TNFRSF1B: variants seen among roughly 807,000 people sequenced by gnomAD.
TNFRSF1B encodes the protein TNF receptor superfamily member 1B.
In TNFRSF1B, 19 loss-of-function variants were observed where a neutral mutation model predicts 44.6. That is an observed-to-expected ratio of 0.43 (90% CI 0.30 to 0.62). TNFRSF1B has a LOEUF of 0.62. TNFRSF1B is among the 20% of genes least tolerant of loss of function. The probability of loss-of-function intolerance (pLI) is 0.16; values close to 1 mark genes in which losing one functional copy is unlikely to be tolerated. For missense variants in TNFRSF1B, 541 were observed against 619.9 expected, an observed-to-expected ratio of 0.87 and a Z score of 1.35; for synonymous variants, 252 against 261.1, an observed-to-expected ratio of 0.97 and a Z score of 0.34.
In TNFRSF1B at chr1:12,171,156, C is replaced by G. The variant is rs562933810; in HGVS notation, c.78+3987C>G. On this transcript the variant is annotated intron_variant, in intron 1 of 9. Transcript: ENST00000376259. This position sits in a 1 kb window ranked among gnomAD's most constrained non-coding sequence, Gnocchi z 4.5. The stretch of plus-strand genomic sequence containing the variant: ...TAGCTGGGATTACAGGTGTGTGCCA[C>G]CATGCCCGGCTAATTTTTCCTTTTT... Among the ~76,000 whole-genome samples the G allele has an allele frequency of 1.4e-3, 206 of 151,986 alleles. 1 individual carries two copies. The highest frequency in any genetic ancestry group is 6.8e-3 in the Middle Eastern group (2 of 294).
intron 1 of TNFRSF1B, among the ~76,000 whole-genome samples, chr1:12,172,638 A>T (rs1638547274): frequency 1.3e-5 from 2 of 152,210 alleles, no homozygotes; most frequent in South Asian, 4.1e-4. Flanking sequence ...GTTGCCCATC[A>T]TCTCAGAAAG....
At chr1:12,185,397 T>G (rs919443389) in intron 1 of TNFRSF1B, among the ~76,000 whole-genome samples, 2 of 152,172 alleles carry the variant, frequency 1.3e-5, no homozygotes, top group Non-Finnish European at 2.9e-5. Flanking sequence ...GTTGGCTTCA[T>G]GACAGGCACC....
rs1000673992 is a variant in TNFRSF1B at position 12,199,514 on chromosome 1, C to T, written c.901-2453C>T. Among the ~76,000 whole-genome samples the T allele has an allele frequency of 1.1e-4, 16 of 152,354 alleles. No individual in the cohort carries two copies. Among genetic ancestry groups the T allele is most frequent in the Admixed American group, 9.1e-4 (14 of 15,308 alleles). ...TCTTGGGGATGGCTTGCACGAGATC[C>T]CTCCAGTCCTGAGTGAGAGGCTGTG... is the stretch of plus-strand genomic sequence containing the variant. On this transcript the variant is annotated intron_variant, in intron 8 of 9. Coordinates refer to ENST00000376259, the MANE Select transcript of TNFRSF1B (RefSeq NM_001066.3). The surrounding 1 kb of genome is among the most constrained non-coding windows in gnomAD (Gnocchi z 4.0).
At chr1:12,184,243 C>G (rs1051945049) in intron 1 of TNFRSF1B, among the ~76,000 whole-genome samples, 1 of 152,220 alleles carries the variant, frequency 6.6e-6, no homozygotes, top group Non-Finnish European at 1.5e-5. Flanking sequence ...TTGGGCCCAG[C>G]CCCCTGCTCC....
chr1:12,192,761 T>G (rs1172695566), intron 5 of TNFRSF1B, 102 bp from the exon 6 acceptor site: 8 of 1,064,464 alleles, frequency 7.5e-6, no homozygotes, highest in African/African-American at 1.6e-5. Context: ...AGGGCACACA[T>G]CGTCACTCTC....
At chr1:12,174,833 T>C (rs529821559) in intron 1 of TNFRSF1B, among the ~76,000 whole-genome samples, 1 of 152,374 alleles carries the variant, frequency 6.6e-6, no homozygotes, top group East Asian at 1.9e-4. Context: ...TCAGATGTAC[T>C]GGCTCCTTGA....
rs1486091276 is a variant in TNFRSF1B at position 12,193,002 on chromosome 1, C to T, written c.691C>T (p.Pro231Ser). 6.2e-7 allele frequency: 1 copy of T among 1,614,246 alleles called. No individual in the cohort carries two copies. The highest frequency in any genetic ancestry group is 1.1e-5 in the South Asian group (1 of 91,090). ...STRSQHTQPT[P>S]EPSTAPSTSF... ...ACGATCCCAACACACGCAGCCAACT[C>T]CAGAACCCAGCACTGCTCCAAGCAC... Residue 231 changes from proline (P) to serine (S), a missense_variant, in exon 6 of 10, where the codon CCA becomes TCA. Coordinates refer to ENST00000376259, the MANE Select transcript of TNFRSF1B (RefSeq NM_001066.3).
chr1:12,174,495 G>A (rs932814447), intron 1 of TNFRSF1B, among the ~76,000 whole-genome samples: 2 of 152,128 alleles, frequency 1.3e-5, no homozygotes, highest in Non-Finnish European at 2.9e-5. Context: ...TGATCTGCCC[G>A]CCTTGGCCTC....
At chr1:12,202,979 C>A (rs1433528524) in intron 9 of TNFRSF1B, among the ~76,000 whole-genome samples, 1 of 152,194 alleles carries the variant, frequency 6.6e-6, no homozygotes, top group South Asian at 2.1e-4. Context: ...GGGATTGTGT[C>A]CCATTTATGC....
At chr1:12,174,202 C>CCTT (rs1557623763) in intron 1 of TNFRSF1B, among the ~76,000 whole-genome samples, 2 of 129,276 alleles carry the variant, frequency 1.5e-5, no homozygotes, top group Non-Finnish European at 3.2e-5. Context: ...TTCTCCTTCT[C>CCTT]CTTCTCCTTC....
At chr1:12,202,277 A>G in intron 9 of TNFRSF1B, 106 bp downstream of exon 9, 1 of 1,454,990 alleles carries the variant, frequency 6.9e-7, no homozygotes, top group Non-Finnish European at 9.1e-7. Flanking sequence ...GGGTGGGACG[A>G]GGCCTGAGCC....
chr1:12,182,989 G>A (rs1638844238), intron 1 of TNFRSF1B, among the ~76,000 whole-genome samples: 1 of 152,208 alleles, frequency 6.6e-6, no homozygotes, highest in African/African-American at 2.4e-5. Flanking sequence ...GGGGTGGCAA[G>A]GATTGCAGCT....
intron 1 of TNFRSF1B, among the ~76,000 whole-genome samples, chr1:12,170,175 CCATTCATT>C (rs17879153): frequency 1.3e-5 from 2 of 151,992 alleles, no homozygotes; most frequent in South Asian, 2.1e-4. Flanking sequence ...TGAGGCAGGG[CCATTCATT>C]CATTCATTCA....
At position 12,168,115 on chromosome 1, in the gene TNFRSF1B, G is replaced by A. The variant is rs950203919; in HGVS notation, c.78+946G>A. ...AACTTGTATTTCATGGAAGGGTCTG[G>A]GGGGAACTCTTCCTCCAAAGGGGGC... On this transcript the variant is annotated intron_variant, in intron 1 of 9. Coordinates refer to ENST00000376259, the MANE Select transcript of TNFRSF1B (RefSeq NM_001066.3). This position sits in a 1 kb window ranked among gnomAD's most constrained non-coding sequence, Gnocchi z 4.7. Among the ~76,000 whole-genome samples, 2 of 152,322 alleles carry A rather than the reference G, an allele frequency of 1.3e-5. No homozygotes were observed. Among genetic ancestry groups the A allele is most frequent in the African/African-American group, 4.8e-5 (2 of 41,576 alleles).
rs540895518 is a variant in TNFRSF1B at position 12,197,942 on chromosome 1, A to G, written c.900+3324A>G. On this transcript the variant is annotated intron_variant, in intron 8 of 9. Transcript: ENST00000376259. ...AGATCGAGACCATCCTGGCTAACAC[A>G]GTGAAACCCCATCTCTACTAAAAAT... Among the ~76,000 whole-genome samples, 470 of 152,128 alleles carry G rather than the reference A, an allele frequency of 3.1e-3. 2 individuals are homozygous for G. Among genetic ancestry groups the G allele is most frequent in the South Asian group, 9.3e-3 (45 of 4,818 alleles).
intron 2 of TNFRSF1B, among the ~76,000 whole-genome samples, chr1:12,189,638 G>T (rs945775259): frequency 6.6e-6 from 1 of 152,202 alleles, no homozygotes; most frequent in Non-Finnish European, 1.5e-5. Flanking sequence ...CAGAGAGCAG[G>T]GCAGACAAAA....
intron 1 of TNFRSF1B, among the ~76,000 whole-genome samples, chr1:12,183,850 T>TCTATCTATCTATCTATCTATCTATCTAC (rs1390376605): frequency 5.8e-4 from 80 of 137,466 alleles, no homozygotes; most frequent in African/African-American, 2.0e-3. Context: ...TATCTATCTA[T>TCTATCTATCTATCTATCTATCTATCTAC]CTACCTACCT....
At chr1:12,193,918 T>C in intron 6 of TNFRSF1B, 37 bp from the exon 7 acceptor site, 1 of 1,589,240 alleles carries the variant, frequency 6.3e-7, no homozygotes, top group South Asian at 1.1e-5. Flanking sequence ...TTTGAGTTTG[T>C]TTTCTGTAGC....
intron 1 of TNFRSF1B, among the ~76,000 whole-genome samples, chr1:12,183,665 TA>T (rs1638871359): frequency 2.0e-5 from 2 of 98,052 alleles, no homozygotes; most frequent in South Asian, 7.1e-4. Context: ...TTTATCTATC[TA>T]TCTATCTATC....
Sources: gnomAD v4.1 joint callset for allele counts (sites outside exome capture counted in the v4.1 genomes callset) on GRCh38, gnomAD v4.1.1 for gene constraint, Gnocchi (gnomAD v3.1) non-coding constraint, MANE v1.5 for transcripts, NCBI Gene and HGNC (gene_info 2026-07-23, HGNC 2026-07-21) for gene names.